Variants in STK32C observed in about 807,000 individuals in gnomAD.
STK32C encodes the protein serine/threonine kinase 32C, also known as serine/threonine-protein kinase 32C.
A neutral mutation model predicts 56.5 loss-of-function variants in STK32C; 31 were observed. The observed-to-expected ratio is 0.55, with a 90% CI of 0.41 to 0.74. The LOEUF is 0.74. Among genes scored for constraint, STK32C ranks in the 30% least tolerant of loss-of-function variants. The probability of loss-of-function intolerance (pLI) is 0.00; values close to 1 mark genes in which losing one functional copy is unlikely to be tolerated. For missense variants in STK32C, 544 were observed against 676.9 expected (o/e 0.80, Z 2.18); for synonymous variants, 309 against 289.4 (o/e 1.07, Z -0.69).
chr10:132,209,115 G>C lies in STK32C; in HGVS notation c.1252-14C>G. 6.2e-7 allele frequency: 1 copy of C among 1,612,830 alleles called. No individual in the cohort carries two copies. Among genetic ancestry groups the C allele is most frequent in the Non-Finnish European group, 8.5e-7 (1 of 1,179,206 alleles). On this transcript the variant is annotated splice_polypyrimidine_tract_variant and intron_variant, in intron 10 of 11. Coordinates refer to ENST00000298630, the MANE Select transcript of STK32C (RefSeq NM_173575.4). ...ATAGTCATTCTCCTGTGGATGGAAA[G>C]GCACACGTGAGCGTGGGGGACGCTG...
In STK32C at chr10:132,207,957, G is replaced by A; in HGVS notation, c.*53C>T. On this transcript the variant is annotated 3_prime_UTR_variant, in exon 12 of 12. Coordinates refer to ENST00000298630, the MANE Select transcript of STK32C (RefSeq NM_173575.4). ...GGCCTCGGCCCATGGCCCTCCCTCTGGCAGCCGAGTCTCCAAAGCAGCTCA... is the reference window on the plus strand; with the variant it reads ...GGCCTCGGCCCATGGCCCTCCCTCTAGCAGCCGAGTCTCCAAAGCAGCTCA... 5.5e-6 allele frequency: 7 copies of A among 1,273,908 alleles called. No homozygotes were observed. Among genetic ancestry groups the A allele is most frequent in the Non-Finnish European group, 7.0e-6 (7 of 1,004,288 alleles). 78.9% of individuals were successfully genotyped at this position (1,273,908 alleles called of 1,614,324 possible).
upstream of STK32C, among the ~76,000 whole-genome samples, chr10:132,310,417 AAC>A (rs2066198172): frequency 6.6e-6 from 1 of 152,204 alleles, no homozygotes; most frequent in African/African-American, 2.4e-5. This position sits in a 1 kb window ranked among gnomAD's most constrained non-coding sequence, Gnocchi z 4.6. Flanking sequence ...GGTCCAGGCA[AAC>A]ACAAGACTGA....
intron 1 of STK32C, among the ~76,000 whole-genome samples, chr10:132,330,800 G>A (rs1447835037): frequency 2.0e-5 from 3 of 150,912 alleles, no homozygotes; most frequent in Non-Finnish European, 4.4e-5. Flanking sequence ...GTGAGCCATC[G>A]TGTCCGGCCT....
chr10:132,248,953 G>A (rs1476914941), intron 1 of STK32C: 2 of 456,562 alleles, frequency 4.4e-6, no homozygotes, highest in Non-Finnish European at 8.8e-6. Flanking sequence ...GGAAAAGGAT[G>A]GGAAACAAAA....
At chr10:132,310,056 T>G (rs1269879957), upstream of STK32C, among the ~76,000 whole-genome samples, 1 of 151,958 alleles carries the variant, frequency 6.6e-6, no homozygotes, top group African/African-American at 2.4e-5. This position sits in a 1 kb window ranked among gnomAD's most constrained non-coding sequence, Gnocchi z 4.6. Flanking sequence ...GCCCGGGCAG[T>G]TGGGGATGGA....
At chr10:132,331,876 G>T (rs556234468), upstream of STK32C, 2 of 1,224,810 alleles carry the variant, frequency 1.6e-6, no homozygotes, top group South Asian at 2.9e-5. Context: ...TGCGTGCGCA[G>T]GCGCACCACC....
chr10:132,310,879 G>C (rs1189782559), upstream of STK32C, among the ~76,000 whole-genome samples: 1 of 152,186 alleles, frequency 6.6e-6, no homozygotes, highest in Non-Finnish European at 1.5e-5. This position sits in a 1 kb window ranked among gnomAD's most constrained non-coding sequence, Gnocchi z 4.6. Context: ...GCATGAACGA[G>C]TAGCCCAAGG....
intron 1 of STK32C, among the ~76,000 whole-genome samples, chr10:132,270,757 C>A (rs184399613): frequency 1.4e-3 from 208 of 152,310 alleles, no homozygotes; most frequent in Middle Eastern, 6.8e-3. Flanking sequence ...AGAACCACAG[C>A]GAGCCCTGCA....
chr10:132,225,101 C>G, intron 7 of STK32C, 132 bp downstream of exon 7: 1 of 677,778 alleles, frequency 1.5e-6, no homozygotes, highest in East Asian at 2.7e-5. Flanking sequence ...TCGATAAAAG[C>G]GTGACTCCTC....
chr10:132,331,835 C>G (rs1275431564), upstream of STK32C: 1 of 1,499,754 alleles, frequency 6.7e-7, no homozygotes, highest in Non-Finnish European at 9.0e-7. Context: ...AGGCCGCGGG[C>G]GCGGAAAAAC....
intron 10 of STK32C, among the ~76,000 whole-genome samples, chr10:132,212,071 A>T (rs1006301282): frequency 6.6e-6 from 1 of 151,944 alleles, no homozygotes; most frequent in Non-Finnish European, 1.5e-5. Flanking sequence ...ACCGCCACAA[A>T]CCTGCTTGGC....
chr10:132,301,102 C>T (rs966646373), intron 1 of STK32C, among the ~76,000 whole-genome samples: 3 of 149,832 alleles, frequency 2.0e-5, no homozygotes, highest in South Asian at 2.1e-4. Flanking sequence ...TCCACTAACA[C>T]GAGGTCCGAT....
In STK32C at chr10:132,207,857, A is replaced by G; in HGVS notation, c.*153T>C. The G allele has an allele frequency of 1.1e-6, 1 of 939,530 alleles. No homozygotes were observed. Among genetic ancestry groups the G allele is most frequent in the Non-Finnish European group, 1.4e-6 (1 of 720,692 alleles). The allele number at this position is 939,530 out of a possible 1,614,324, so 58.2% of individuals were successfully genotyped here. ...ACAGCCTCTTGTCCCCTGCACCACC[A>G]CGAGCCTGAGGTGTGAAATGTGTCC... On this transcript the variant is annotated 3_prime_UTR_variant, in exon 12 of 12. Transcript: ENST00000298630.
chr10:132,316,361 C>T (rs1265622736), intron 1 of STK32C, among the ~76,000 whole-genome samples: 5 of 152,160 alleles, frequency 3.3e-5, no homozygotes, highest in African/African-American at 7.2e-5. Flanking sequence ...ACTTGTCACC[C>T]GAGCACTTTA....
At chr10:132,213,408 G>C (rs1254767444) in intron 10 of STK32C, among the ~76,000 whole-genome samples, 1 of 152,210 alleles carries the variant, frequency 6.6e-6, no homozygotes, top group Non-Finnish European at 1.5e-5. Flanking sequence ...ACAAGACGCA[G>C]ACTCTCTCTG....
chr10:132,289,931 C>T (rs778676870), intron 1 of STK32C, among the ~76,000 whole-genome samples: 1 of 152,200 alleles, frequency 6.6e-6, no homozygotes, highest in Non-Finnish European at 1.5e-5. Context: ...CATCAGTCAT[C>T]AGGAAAATGC....
At chr10:132,298,342 C>T (rs1326842674) in intron 1 of STK32C, among the ~76,000 whole-genome samples, 6 of 152,248 alleles carry the variant, frequency 3.9e-5, no homozygotes, top group Admixed American at 6.5e-5. Context: ...CGTCTGTGGG[C>T]GCCCTGGGGC....
rs192767138 is a variant in STK32C at position 132,317,815 on chromosome 10, T to C, written c.301+13621A>G. On this transcript the variant is annotated intron_variant, in intron 1 of 3. Transcript: ENST00000368620. ...CAACATGGTAAAACCCCGTCTCTGCTAAAAATACAAAAATTAGCCGGGCAT... is the reference window on the plus strand; with the variant it reads ...CAACATGGTAAAACCCCGTCTCTGCCAAAAATACAAAAATTAGCCGGGCAT... 4.1e-3 allele frequency among the ~76,000 whole-genome samples: 624 copies of C among 151,852 alleles called. 5 individuals carry two copies. The highest frequency in any genetic ancestry group is 0.015 in the African/African-American group (611 of 41,402).
At chr10:132,268,266 T>C (rs376990882) in intron 1 of STK32C, among the ~76,000 whole-genome samples, 2 of 146,428 alleles carry the variant, frequency 1.4e-5, no homozygotes, top group South Asian at 4.5e-4. Flanking sequence ...TGCATGTGTA[T>C]GCAGGTTCAG....
Sources: gnomAD v4.1 joint callset for allele counts (sites outside exome capture counted in the v4.1 genomes callset) on GRCh38, gnomAD v4.1.1 for gene constraint, Gnocchi (gnomAD v3.1) non-coding constraint, MANE v1.5 for transcripts, NCBI Gene and HGNC (gene_info 2026-07-23, HGNC 2026-07-21) for gene names.